DNAJB1: variants seen among roughly 807,000 people sequenced by gnomAD.
DNAJB1 encodes DnaJ heat shock protein family (Hsp40) member B1, also known as dnaJ homolog subfamily B member 1.
DNAJB1 carries 14 observed loss-of-function variants against 24.0 expected under a neutral mutation model. That is an observed-to-expected ratio of 0.58 (90% confidence interval 0.39 to 0.91). The LOEUF (loss-of-function observed/expected upper bound fraction) is 0.91. DNAJB1 is among the 40% of genes least tolerant of loss of function. The pLI is 0.00. For synonymous variants in DNAJB1, 262 were observed against 174.4 expected (o/e 1.50, Z -3.96); for missense variants, 517 against 458.1 (o/e 1.13, Z -1.17).
upstream of DNAJB1, among the ~76,000 whole-genome samples, chr19:14,534,759 C>G (rs1332295600): frequency 6.6e-6 from 1 of 152,084 alleles, no homozygotes; most frequent in African/African-American, 2.4e-5. Context: ...TTATTAGCAC[C>G]TGATCAGATG....
In DNAJB1 at chr19:14,515,613, C is replaced by T; in HGVS notation, c.*327G>A. 3.0e-6 allele frequency: 1 copy of T among 332,202 alleles called. No individual in the cohort carries two copies. Among genetic ancestry groups the T allele is most frequent in the South Asian group, 3.3e-5 (1 of 30,336 alleles). 20.6% of individuals were successfully genotyped at this position (332,202 alleles called of 1,614,324 possible). ...CAGAAGCAAAAAGACACAGAGGGAT[C>T]AAGTCCATCTGCTGGTCTGCCTCTC... On this transcript the variant is annotated 3_prime_UTR_variant, in exon 3 of 3. Transcript: ENST00000254322.
chr19:14,521,456 AAATAATAATAAT>A (rs111596555), upstream of DNAJB1, among the ~76,000 whole-genome samples: 19 of 143,118 alleles, frequency 1.3e-4, no homozygotes, highest in East Asian at 6.0e-4. Flanking sequence ...GAGAGTTTCA[AAATAATAATAAT>A]AATAATAATA....
intron 1 of DNAJB1, among the ~76,000 whole-genome samples, chr19:14,557,131 T>TTATG (rs1555736143): frequency 1.3e-5 from 2 of 149,972 alleles, no homozygotes; most frequent in African/African-American, 4.9e-5. Context: ...ATTTATTTAT[T>TTATG]TATTTATTTA....
At chr19:14,550,297 G>C (rs1266787808) in exon 1 of DNAJB1, among the ~76,000 whole-genome samples, 2 of 152,140 alleles carry the variant, frequency 1.3e-5, no homozygotes, top group East Asian at 3.9e-4. Context: ...GGCGGGTGGT[G>C]TTAGCTGCCG....
chr19:14,546,748 G>C (rs150547652), intron 1 of DNAJB1, among the ~76,000 whole-genome samples: 20 of 152,056 alleles, frequency 1.3e-4, no homozygotes, highest in African/African-American at 4.8e-4. Context: ...GCCGTGTCGC[G>C]ATCTTGGCTT....
At chr19:14,530,826 T>G (rs2072616053), upstream of DNAJB1, 1 of 152,178 alleles carries the variant, frequency 6.6e-6, no homozygotes, top group Non-Finnish European at 1.5e-5. Context: ...AGTGTGCAGT[T>G]CAGTGGCATT....
chr19:14,516,938 C>A lies in DNAJB1; in HGVS notation c.320G>T (p.Gly107Val). Residue 107 changes from glycine (G) to valine (V), a missense_variant, in exon 2 of 3, where the codon GGT (glycine) becomes GTT (valine). Transcript: ENST00000254322. ...DPHAMFAEFF[G>V]GRNPFDTFFG... ...AAAGGTGTCAAAGGGATTTCTGCCA[C>A]CGAAGAACTCAGCAAACATGGCATG... The A allele has an allele frequency of 6.2e-7, 1 of 1,613,830 alleles. No individual in the cohort carries two copies. Among genetic ancestry groups the A allele is most frequent in the Non-Finnish European group, 8.5e-7 (1 of 1,180,026 alleles).
At position 14,517,042 on chromosome 19, in the gene DNAJB1, T is replaced by A; in HGVS notation, c.216A>T (p.Leu72=). 1.2e-6 allele frequency: 2 copies of A among 1,605,470 alleles called. No individual in the cohort carries two copies. Among genetic ancestry groups the A allele is most frequent in the Non-Finnish European group, 1.7e-6 (2 of 1,176,010 alleles). The part of the protein sequence containing the change: ...EIFDRYGEEG[L]KGSGPSGGSG... ...TACCGCCACTGGGGCCACTCCCCTT[T>A]AGGCCTGAAAAGCAGATTTAGAAGC... is the stretch of plus-strand genomic sequence containing the variant. Residue 72 remains leucine, a synonymous_variant, in exon 2 of 3, where the codon CTA becomes CTT. Coordinates refer to ENST00000254322, the MANE Select transcript of DNAJB1 (RefSeq NM_006145.3).
In DNAJB1 at chr19:14,516,030, A is replaced by G; in HGVS notation, c.933T>C (p.Arg311=). 1.9e-6 allele frequency: 3 copies of G among 1,612,800 alleles called. No individual in the cohort carries two copies. In the African/African-American group the frequency reaches 4.0e-5, roughly 22 times the overall value. ...CTTCAAACTCAATAATGAGGTCCCC[A>G]CGTTTCTCGGGTGTTTTGGGGAGGG... ...GLPLPKTPEK[R]GDLIIEFEVI... Residue 311 remains arginine, a synonymous_variant, in exon 3 of 3, where the codon CGT becomes CGC. Coordinates refer to ENST00000254322, the MANE Select transcript of DNAJB1 (RefSeq NM_006145.3).
At chr19:14,523,288 T>G (rs1345522355), upstream of DNAJB1, among the ~76,000 whole-genome samples, 1 of 152,038 alleles carries the variant, frequency 6.6e-6, no homozygotes, top group Non-Finnish European at 1.5e-5. Flanking sequence ...GAACAGGAAG[T>G]GAACAGGAAA....
At position 14,518,183 on chromosome 19, in the gene DNAJB1, C is replaced by G; in HGVS notation, c.167G>C (p.Ser56Thr). 1.3e-6 allele frequency: 2 copies of G among 1,594,678 alleles called. No homozygotes were observed. Among genetic ancestry groups the G allele is most frequent in the Non-Finnish European group, 1.7e-6 (2 of 1,171,530 alleles). ...KEIAEAYDVL[S>T]DPRKREIFDR... ...GAAGATCTCGCGCTTGCGCGGGTCGCTGAGCACGTCGTAGGCCTCAGCGAT... is the reference window on the plus strand; with the variant it reads ...GAAGATCTCGCGCTTGCGCGGGTCGGTGAGCACGTCGTAGGCCTCAGCGAT... Residue 56 changes from serine to threonine, a missense_variant, in exon 1 of 3, where the codon AGC becomes ACC. Ser to Thr is a moderately conservative substitution (Grantham distance 58). Transcript: ENST00000254322.
chr19:14,551,737 G>T (rs1232431124), upstream of DNAJB1, among the ~76,000 whole-genome samples: 1 of 152,072 alleles, frequency 6.6e-6, no homozygotes, highest in African/African-American at 2.4e-5. Flanking sequence ...AGGCCAGCGG[G>T]CTGGGTCCTC....
chr19:14,538,561 T>G (rs1466848004), intron 1 of DNAJB1, among the ~76,000 whole-genome samples: 2 of 146,406 alleles, frequency 1.4e-5, no homozygotes, highest in African/African-American at 2.5e-5. Flanking sequence ...TGAGATAGAG[T>G]CTTCCTCTGT....
At chr19:14,556,368 G>A (rs566128118) in intron 1 of DNAJB1, among the ~76,000 whole-genome samples, 3 of 151,318 alleles carry the variant, frequency 2.0e-5, no homozygotes, top group South Asian at 2.1e-4. Context: ...AGCCGAGATC[G>A]CGCCACTGCA....
chr19:14,551,527 C>T (rs2073503959), upstream of DNAJB1, among the ~76,000 whole-genome samples: 1 of 152,156 alleles, frequency 6.6e-6, no homozygotes, highest in Admixed American at 6.5e-5. Context: ...TCTGACACCG[C>T]CCCCTGTGGC....
upstream of DNAJB1, chr19:14,532,621 A>G (rs116383526): frequency 2.4e-4 from 37 of 152,008 alleles, no homozygotes; most frequent in African/African-American, 8.2e-4. Flanking sequence ...TTCTCTGCCA[A>G]CCTTTGCCAA....
At chr19:14,516,444 A>T in intron 2 of DNAJB1, 22 bp downstream of exon 2, 1 of 1,604,780 alleles carries the variant, frequency 6.2e-7, no homozygotes. Flanking sequence ...CTCTACAGAC[A>T]CCGCCCCACC....
upstream of DNAJB1, among the ~76,000 whole-genome samples, chr19:14,518,669 A>G (rs1421240985): frequency 6.6e-6 from 1 of 152,040 alleles, no homozygotes; most frequent in Non-Finnish European, 1.5e-5. Context: ...GGACGAGCCA[A>G]TCGCGACCTT....
intron 2 of DNAJB1, 78 bp downstream of exon 2, chr19:14,516,388 C>T: frequency 2.0e-6 from 3 of 1,486,448 alleles, no homozygotes; most frequent in Non-Finnish European, 2.7e-6. Flanking sequence ...CACCCCAACA[C>T]ATTGGTTCAG....
Sources: allele counts gnomAD v4.1 joint callset (sites outside exome capture counted in the v4.1 genomes callset), GRCh38; gene constraint gnomAD v4.1.1; transcripts MANE v1.5; gene names NCBI Gene and HGNC (gene_info 2026-07-23, HGNC 2026-07-21).